The following ADAMTS2 variants were observed in gnomAD, a reference collection of about 807,000 sequenced individuals.
ADAMTS2 encodes the protein ADAM metallopeptidase with thrombospondin type 1 motif 2.
In ADAMTS2, 50 loss-of-function variants were observed where a neutral mutation model predicts 123.0. That is an observed-to-expected ratio of 0.41 (90% CI 0.32 to 0.51). The LOEUF is 0.51. Among genes scored for constraint, ADAMTS2 ranks in the 20% least tolerant of loss-of-function variants. ADAMTS2 has a pLI of 0.35. For missense variants in ADAMTS2, 1,494 were observed against 1,705.2 expected (o/e 0.88, Z 2.18); for synonymous variants, 678 against 695.4 (o/e 0.98, Z 0.39).
At position 179,262,516 on chromosome 5, in the gene ADAMTS2, C is replaced by T. The variant is rs577602914; in HGVS notation, c.688+10395G>A. On this transcript the variant is annotated intron_variant, in intron 3 of 21. Transcript: ENST00000251582. The surrounding 1 kb of genome is among the most constrained non-coding windows in gnomAD (Gnocchi z 5.9). Reference sequence around the variant, plus strand: ...GCCACCCATCCCTCCCGGCCCTGCACGCCTCCCACTCCCCCATTACGTCCT... The same window carrying T: ...GCCACCCATCCCTCCCGGCCCTGCATGCCTCCCACTCCCCCATTACGTCCT... 6.6e-5 allele frequency among the ~76,000 whole-genome samples: 10 copies of T among 152,210 alleles called. 1 individual carries two copies. The highest frequency in any genetic ancestry group is 2.1e-4 in the South Asian group (1 of 4,824).
At chr5:179,121,407 C>T in intron 21 of ADAMTS2, 1 of 322,166 alleles carries the variant, frequency 3.1e-6, no homozygotes. Context: ...GCAACCACGA[C>T]AGATCTTTGC....
intron 3 of ADAMTS2, among the ~76,000 whole-genome samples, chr5:179,265,500 C>T (rs771321523): frequency 3.2e-4 from 48 of 152,102 alleles, no homozygotes; most frequent in Non-Finnish European, 1.2e-4. Context: ...GCCCAGCCCT[C>T]GCTGGGGCTG....
chr5:179,330,884 A>G (rs902466861), intron 2 of ADAMTS2, among the ~76,000 whole-genome samples: 3 of 152,164 alleles, frequency 2.0e-5, no homozygotes, highest in African/African-American at 7.2e-5. Context: ...TAGAAAATGC[A>G]CCAAGAACTC....
chr5:179,280,755 T>C (rs1766874902), intron 2 of ADAMTS2, among the ~76,000 whole-genome samples: 1 of 152,184 alleles, frequency 6.6e-6, no homozygotes, highest in South Asian at 2.1e-4. Flanking sequence ...AGCAGAGAGC[T>C]GGTAAAGATC....
At chr5:179,243,433 G>A (rs1765711424) in intron 3 of ADAMTS2, among the ~76,000 whole-genome samples, 2 of 152,252 alleles carry the variant, frequency 1.3e-5, no homozygotes, top group South Asian at 2.1e-4. Context: ...CTGTCATCCC[G>A]GGATGACCCT....
Position 179,326,005 on chromosome 5 carries a change from A to C in ADAMTS2, c.534+17762T>G, listed in dbSNP as rs1757305652. ...CCTCCCAGCTGAGGGGTGCGGAGGA[A>C]GGGATCAGAGCGCTCCCCCAACAAA... On this transcript the variant is annotated intron_variant, in intron 2 of 21. Transcript: ENST00000251582. 2.6e-5 allele frequency among the ~76,000 whole-genome samples: 4 copies of C among 152,224 alleles called. No homozygotes were observed. The South Asian group carries it at 8.3e-4, about 31-fold the overall frequency.
chr5:179,334,621 G>T (rs1049929530), intron 2 of ADAMTS2, among the ~76,000 whole-genome samples: 1 of 152,194 alleles, frequency 6.6e-6, no homozygotes, highest in Non-Finnish European at 1.5e-5. Flanking sequence ...CGCTCTGAAG[G>T]TTCCAGACGG....
In ADAMTS2 at chr5:179,144,707, C is replaced by T. The variant is rs1302956768; in HGVS notation, c.1630-4672G>A. 2.6e-5 allele frequency among the ~76,000 whole-genome samples: 4 copies of T among 152,176 alleles called. No homozygotes were observed. In the East Asian group the frequency reaches 5.8e-4, roughly 22 times the overall value. ...TGGATATTCACATGCAAAAGAATGA[C>T]GTTGGACATCTTCCTCACACTTACA... On this transcript the variant is annotated intron_variant, in intron 10 of 21. Transcript: ENST00000251582.
At chr5:179,328,234 G>T (rs376813678) in intron 2 of ADAMTS2, among the ~76,000 whole-genome samples, 1 of 152,188 alleles carries the variant, frequency 6.6e-6, no homozygotes, top group Non-Finnish European at 1.5e-5. Context: ...GGGTTTCACC[G>T]TGTTAGCCAG....
At chr5:179,209,965 T>C (rs1049683873) in intron 3 of ADAMTS2, among the ~76,000 whole-genome samples, 2 of 152,186 alleles carry the variant, frequency 1.3e-5, no homozygotes, top group Admixed American at 6.5e-5. Flanking sequence ...ACACGGGCGG[T>C]GCCCTCGGCA....
chr5:179,311,779 A>G (rs1221555619), intron 2 of ADAMTS2, among the ~76,000 whole-genome samples: 1 of 145,622 alleles, frequency 6.9e-6, no homozygotes, highest in Non-Finnish European at 1.5e-5. Flanking sequence ...CTTGGCTATC[A>G]CCCCCCACTC....
Position 179,158,256 on chromosome 5 carries a change from C to T in ADAMTS2, c.1132+467G>A, listed in dbSNP as rs1650358. 7.9e-5 allele frequency among the ~76,000 whole-genome samples: 12 copies of T among 152,170 alleles called. No individual in the cohort carries two copies. The highest frequency in any genetic ancestry group is 1.5e-4 in the Non-Finnish European group (10 of 68,036). ...CTGGGATTACAGGTGTGAACCACCG[C>T]GCCCGGCCTTTTGTCTCTTTTTAAA... On this transcript the variant is annotated intron_variant, in intron 6 of 21. Transcript: ENST00000251582. This position sits in a 1 kb window ranked among gnomAD's most constrained non-coding sequence, Gnocchi z 5.0.
chr5:179,327,701 G>A (rs1341232988), intron 2 of ADAMTS2, among the ~76,000 whole-genome samples: 12 of 152,162 alleles, frequency 7.9e-5, no homozygotes, highest in Admixed American at 7.2e-4. Context: ...TCCACTTTGG[G>A]TCTACCACCA....
At chr5:179,220,021 G>T (rs1017604892) in intron 3 of ADAMTS2, among the ~76,000 whole-genome samples, 9 of 152,270 alleles carry the variant, frequency 5.9e-5, no homozygotes, top group South Asian at 2.1e-4. Context: ...AGCCAGGGAG[G>T]GTCCCCAGGA....
intron 2 of ADAMTS2, among the ~76,000 whole-genome samples, chr5:179,331,906 C>T (rs1278415181): frequency 1.3e-5 from 2 of 152,200 alleles, no homozygotes; most frequent in Non-Finnish European, 2.9e-5. Context: ...GTGCAATGCT[C>T]ATGCCAACTA....
intron 3 of ADAMTS2, among the ~76,000 whole-genome samples, chr5:179,216,646 G>T (rs146979841): frequency 6.6e-6 from 1 of 152,222 alleles, no homozygotes; most frequent in African/African-American, 2.4e-5. Flanking sequence ...GTCAGACCAC[G>T]ACCTGGAGAC....
rs1764015851 is a variant in ADAMTS2 at position 179,180,221 on chromosome 5, A to T, written c.975+851T>A. Among the ~76,000 whole-genome samples, 1 of 152,086 alleles carries T rather than the reference A, an allele frequency of 6.6e-6. No homozygotes were observed. Among genetic ancestry groups the T allele is most frequent in the Non-Finnish European group, 1.5e-5 (1 of 68,024 alleles). ...GGGGCTCCTCTCTTCCTCTGTCTGC[A>T]CAGCATCCCGTGTTGCCATCCCAGG... On this transcript the variant is annotated intron_variant, in intron 5 of 21. Coordinates refer to ENST00000251582, the MANE Select transcript of ADAMTS2 (RefSeq NM_014244.5). The surrounding 1 kb of genome is among the most constrained non-coding windows in gnomAD (Gnocchi z 4.6).
chr5:179,307,191 C>T lies in ADAMTS2; in HGVS notation c.535-34127G>A, dbSNP rs943024501. Among the ~76,000 whole-genome samples, 3 of 152,214 alleles carry T rather than the reference C, an allele frequency of 2.0e-5. No homozygotes were observed. Among genetic ancestry groups the T allele is most frequent in the Admixed American group, 6.5e-5 (1 of 15,288 alleles). ...GGGGGCCCGCACTGCAGAGCTGCCC[C>T]GGCCCACGCGCCCCTGCCCTGCTGT... On this transcript the variant is annotated intron_variant, in intron 2 of 21. Coordinates refer to ENST00000251582, the MANE Select transcript of ADAMTS2 (RefSeq NM_014244.5). This position sits in a 1 kb window ranked among gnomAD's most constrained non-coding sequence, Gnocchi z 5.6.
rs1274862918 is a variant in ADAMTS2 at position 179,315,088 on chromosome 5, C to T, written c.534+28679G>A. On this transcript the variant is annotated intron_variant, in intron 2 of 21. Coordinates refer to ENST00000251582, the MANE Select transcript of ADAMTS2 (RefSeq NM_014244.5). The stretch of plus-strand genomic sequence containing the variant: ...CACCCCGGCCTCCTCCTCCCCCTGC[C>T]CCTGCATGGAGCAGGCCTCACTCAC... Among the ~76,000 whole-genome samples the T allele has an allele frequency of 3.3e-5, 5 of 151,728 alleles. No homozygotes were observed. The East Asian group carries it at 9.8e-4, about 30-fold the overall frequency.
Sources: allele counts gnomAD v4.1 joint callset (sites outside exome capture counted in the v4.1 genomes callset), GRCh38; gene constraint gnomAD v4.1.1; non-coding constraint Gnocchi (gnomAD v3.1); transcripts MANE v1.5; gene names NCBI Gene and HGNC (gene_info 2026-07-23, HGNC 2026-07-21).